CALB1: variants seen among roughly 807,000 people sequenced by gnomAD.
CALB1 encodes calbindin.
Under a neutral mutation model 46.7 loss-of-function variants are expected in CALB1, and 16 were observed. The observed-to-expected ratio is 0.34, with a 90% CI of 0.23 to 0.52. The LOEUF (loss-of-function observed/expected upper bound fraction) is 0.52, where lower values mean the gene tolerates loss of function less well. Among genes scored for constraint, CALB1 ranks in the 20% least tolerant of loss-of-function variants. The probability of loss-of-function intolerance (pLI) is 0.95; values close to 1 mark genes in which losing one functional copy is unlikely to be tolerated. For missense variants in CALB1, 224 were observed against 300.3 expected (o/e 0.75, Z 1.88); for synonymous variants, 90 against 112.8 (o/e 0.80, Z 1.28).
At position 90,060,494 on chromosome 8, in the gene CALB1, T is replaced by C. The variant is rs548387099; in HGVS notation, c.672+135A>G. 2.9e-5 allele frequency: 23 copies of C among 793,714 alleles called. No homozygotes were observed. The African/African-American group carries it at 2.9e-4, about 10-fold the overall frequency. 49.2% of individuals were successfully genotyped at this position (793,714 alleles called of 1,614,324 possible). A position where few individuals can be genotyped will look rare whatever the true frequency, so the allele number is the denominator to read the frequency against. ...TACCCTGATTTAGGCCAGAACCAAA[T>C]TGAGTTAAGAATTGAATTCTATTTC... On this transcript the variant is annotated intron_variant, in intron 10 of 10. Transcript: ENST00000265431.
chr8:90,070,718 G>T, intron 3 of CALB1, among the ~76,000 whole-genome samples: 1 of 152,044 alleles, frequency 6.6e-6, no homozygotes, highest in East Asian at 1.9e-4. Flanking sequence ...TTAAAGAAAG[G>T]TCACTAGTGT....
At position 90,063,151 on chromosome 8, in the gene CALB1, T is replaced by A; in HGVS notation, c.549A>T (p.Gly183=). 6.2e-7 allele frequency: 1 copy of A among 1,604,426 alleles called. No individual in the cohort carries two copies. Among genetic ancestry groups the A allele is most frequent in the Non-Finnish European group, 8.5e-7 (1 of 1,171,964 alleles). ...VQENFLLKFQ[G]IKMCGKEFNK... is the part of the protein sequence containing the mutation. ...TGAACTCTTTCCCACACATTTTGAT[T>A]CCCTAAAGATAGAGAAGAGAGTAAA... Residue 183 remains glycine, a splice_region_variant and synonymous_variant, in exon 9 of 11, where the codon GGA becomes GGT. Transcript: ENST00000265431.
intron 3 of CALB1, among the ~76,000 whole-genome samples, chr8:90,069,891 G>A (rs1814475813): frequency 6.6e-6 from 1 of 151,928 alleles, no homozygotes; most frequent in African/African-American, 2.4e-5. Flanking sequence ...TGAATCCAGG[G>A]CTGGGGTTTA....
At chr8:90,071,241 T>G (rs925988019) in intron 3 of CALB1, among the ~76,000 whole-genome samples, 4 of 152,212 alleles carry the variant, frequency 2.6e-5, no homozygotes, top group Non-Finnish European at 4.4e-5. Flanking sequence ...GATAAGCTGT[T>G]TCTACTCATT....
chr8:90,079,749 A>G (rs1003442538), intron 2 of CALB1, among the ~76,000 whole-genome samples: 1 of 152,030 alleles, frequency 6.6e-6, no homozygotes, highest in African/African-American at 2.4e-5. Flanking sequence ...ACCAAACACT[A>G]TGTTTAGTGT....
Position 90,066,107 on chromosome 8 carries a change from T to C in CALB1, c.373-132A>G, listed in dbSNP as rs1814391651. 4 of 631,428 alleles carry C rather than the reference T, an allele frequency of 6.3e-6. No homozygotes were observed. In the Admixed American group the frequency reaches 7.6e-5, roughly 12 times the overall value. The allele number at this position is 631,428 out of a possible 1,614,324, so 39.1% of individuals were successfully genotyped here. On this transcript the variant is annotated intron_variant, in intron 5 of 10. Coordinates refer to ENST00000265431, the MANE Select transcript of CALB1 (RefSeq NM_004929.4). ...CTTTTGAGGGGTAGAAGCAGGTGAG[T>C]AGAGGAACTTATAATAGAAGAAAGA...
intron 5 of CALB1, 142 bp from the exon 6 acceptor site, chr8:90,066,117 T>TA: frequency 1.6e-6 from 1 of 614,392 alleles, no homozygotes; most frequent in Non-Finnish European, 2.9e-6. Context: ...TAGAGGAACT[T>TA]ATAATAGAAG....
At chr8:90,060,457 A>G (rs1316474713) in intron 10 of CALB1, among the ~76,000 whole-genome samples, 171 bp from the exon 11 acceptor site, 3 of 152,218 alleles carry the variant, frequency 2.0e-5, no homozygotes, top group South Asian at 4.1e-4. Flanking sequence ...TTTAAAATCT[A>G]TTTATCACAG....
intron 4 of CALB1, 40 bp downstream of exon 4, chr8:90,069,114 T>A (rs747920517): frequency 6.2e-7 from 1 of 1,609,520 alleles, no homozygotes; most frequent in Admixed American, 1.7e-5. Context: ...ACAATTTTCC[T>A]ACTTTAAGCA....
At chr8:90,060,815 G>A (rs562369799) in intron 9 of CALB1, 115 bp from the exon 10 acceptor site, 23 of 880,946 alleles carry the variant, frequency 2.6e-5, no homozygotes, top group Non-Finnish European at 4.1e-5. Flanking sequence ...ATACTTGGCA[G>A]ATAATCTGTT....
intron 6 of CALB1, among the ~76,000 whole-genome samples, 188 bp downstream of exon 6, chr8:90,065,710 T>C (rs555765503): frequency 4.7e-4 from 71 of 151,976 alleles, no homozygotes; most frequent in Middle Eastern, 3.4e-3. Context: ...AGCCAATGCC[T>C]GCAGAACTCA....
chr8:90,082,734 CGT>C lies in CALB1; in HGVS notation c.-39_-38del, dbSNP rs1563686757. The C allele has an allele frequency of 1.3e-6, 2 of 1,577,860 alleles. No homozygotes were observed. The highest frequency in any genetic ancestry group is 1.7e-5 in the Admixed American group (1 of 59,956). ...GTGTGTGTCTGGGTGTGTGAATATG[CGT>C]GTGTCTGTGTCCGCGCGAGGGGGAG... On this transcript the variant is annotated 5_prime_UTR_variant, in exon 1 of 11. Coordinates refer to ENST00000265431, the MANE Select transcript of CALB1 (RefSeq NM_004929.4).
In CALB1 at chr8:90,080,982, A is replaced by T. The variant is rs148378302; in HGVS notation, c.156+1044T>A. On this transcript the variant is annotated intron_variant, in intron 2 of 10. Transcript: ENST00000265431. Reference sequence around the variant, plus strand: ...AAAAGGCCAAAGACCATTAACGTGTAACTCATCCCAATTCAACACTGCCTT... The same window carrying T: ...AAAAGGCCAAAGACCATTAACGTGTTACTCATCCCAATTCAACACTGCCTT... Among the ~76,000 whole-genome samples, 51 of 152,256 alleles carry T rather than the reference A, an allele frequency of 3.3e-4. 1 individual carries two copies. The highest frequency in any genetic ancestry group is 1.2e-3 in the African/African-American group (48 of 41,562).
At chr8:90,065,337 C>G (rs1300054386) in intron 6 of CALB1, among the ~76,000 whole-genome samples, 2 of 151,474 alleles carry the variant, frequency 1.3e-5, no homozygotes, top group African/African-American at 4.8e-5. Context: ...ACCATAGCAT[C>G]AACCTTAGGG....
At chr8:90,069,085 C>A in intron 4 of CALB1, 31 bp from the exon 5 acceptor site, 1 of 1,611,320 alleles carries the variant, frequency 6.2e-7, no homozygotes, top group Non-Finnish European at 8.5e-7. Flanking sequence ...GGAAAACAAA[C>A]ACATTTTTAA....
At position 90,069,175 on chromosome 8, in the gene CALB1, C is replaced by T. The variant is rs955098358; in HGVS notation, c.294G>A (p.Lys98=). Residue 98 remains lysine, a synonymous_variant, in exon 4 of 11, where the codon AAG becomes AAA. Transcript: ENST00000265431. The stretch of plus-strand genomic sequence containing the variant: ...ATACCTTCATGAATTCCTCACAGGA[C>T]TTCAGCTGCTGGCATCGGAAGAGCA... The part of the protein sequence containing the change: ...FLLLFRCQQL[K]SCEEFMKTWR... The T allele has an allele frequency of 6.2e-7, 1 of 1,613,882 alleles. No homozygotes were observed. The highest frequency in any genetic ancestry group is 8.5e-7 in the Non-Finnish European group (1 of 1,179,780).
chr8:90,073,974 A>G (rs1413528247), intron 3 of CALB1, among the ~76,000 whole-genome samples: 9 of 152,158 alleles, frequency 5.9e-5, no homozygotes. Context: ...AAAGACAATC[A>G]TGGTATGTTA....
chr8:90,078,663 AAT>A (rs1301254686), intron 2 of CALB1, among the ~76,000 whole-genome samples: 1 of 152,068 alleles, frequency 6.6e-6, no homozygotes, highest in African/African-American at 2.4e-5. Context: ...TTTCTCAATT[AAT>A]ATGATTTATC....
chr8:90,063,541 G>A (rs1814339915), intron 6 of CALB1, 80 bp from the exon 7 acceptor site: 2 of 1,213,210 alleles, frequency 1.6e-6, no homozygotes, highest in Non-Finnish European at 2.4e-6. Context: ...AAATAAAGCT[G>A]TTTGAGTTAT....
Sources: gnomAD v4.1 joint callset for allele counts (sites outside exome capture counted in the v4.1 genomes callset) on GRCh38, gnomAD v4.1.1 for gene constraint, MANE v1.5 for transcripts, NCBI Gene and HGNC (gene_info 2026-07-23, HGNC 2026-07-21) for gene names.